The following ERCC1 variants were observed in gnomAD, a reference collection of about 807,000 sequenced individuals.
The protein encoded by ERCC1 is DNA excision repair protein ERCC-1.
A neutral mutation model predicts 37.6 loss-of-function variants in ERCC1; 36 were observed. The ratio of observed to expected loss-of-function variants is 0.96; its 90% confidence interval spans 0.73 to 1.26. The LOEUF is 1.26. ERCC1 is among the 50% of genes most tolerant of loss of function. The pLI is 0.00. For synonymous variants in ERCC1, 156 were observed against 162.1 expected (o/e 0.96, Z 0.28); for missense variants, 349 against 376.5 (o/e 0.93, Z 0.60).
chr19:45,421,111 A>T, intron 3 of ERCC1, 67 bp downstream of exon 3: 2 of 1,332,420 alleles, frequency 1.5e-6, no homozygotes, highest in South Asian at 2.4e-5. Flanking sequence ...CTTGCACTGG[A>T]GTCATCCCTA....
intron 1 of ERCC1, among the ~76,000 whole-genome samples, chr19:45,431,211 T>C (rs145785366): frequency 6.3e-4 from 96 of 152,254 alleles, no homozygotes; most frequent in African/African-American, 2.2e-3. Context: ...GACACACACG[T>C]GAGGACCCAG....
upstream of ERCC1, among the ~76,000 whole-genome samples, chr19:45,428,750 G>A (rs1974763878): frequency 6.6e-6 from 1 of 152,218 alleles, no homozygotes; most frequent in South Asian, 2.1e-4. Context: ...AGCGGGCACC[G>A]CCGGGGGGCG....
intron 1 of ERCC1, among the ~76,000 whole-genome samples, chr19:45,447,697 G>T (rs769974736): frequency 6.6e-6 from 1 of 151,924 alleles, no homozygotes; most frequent in Non-Finnish European, 1.5e-5. Context: ...TCTAACTGCC[G>T]CAGAATGACT....
At chr19:45,438,749 C>CT (rs1975045010) in intron 1 of ERCC1, among the ~76,000 whole-genome samples, 1 of 152,062 alleles carries the variant, frequency 6.6e-6, no homozygotes, top group African/African-American at 2.4e-5. Context: ...TCCAGCAATT[C>CT]TCCTGCCTCA....
Position 45,419,094 on chromosome 19 carries a change from T to C in ERCC1, c.525+4A>G. Reference sequence around the variant, plus strand: ...AGGCTGGCTAGGGAGCAGCCCCTGCTTACCACATCCACCTGGACAAGCAGG... The same window carrying C: ...AGGCTGGCTAGGGAGCAGCCCCTGCCTACCACATCCACCTGGACAAGCAGG... On this transcript the variant is annotated splice_donor_region_variant and intron_variant, in intron 5 of 9. Transcript: ENST00000300853. 3 of 1,564,656 alleles carry C rather than the reference T, an allele frequency of 1.9e-6. No homozygotes were observed. The highest frequency in any genetic ancestry group is 2.6e-6 in the Non-Finnish European group (3 of 1,152,664).
chr19:45,409,752 G>A, intron 9 of ERCC1, 27 bp from the exon 10 acceptor site: 1 of 780,766 alleles, frequency 1.3e-6, no homozygotes, highest in Non-Finnish European at 2.4e-6. Context: ...AAAAAATGAG[G>A]AACCAGTCAT....
rs1973418670 is a variant in ERCC1 at position 45,407,539 on chromosome 19, T to G, written c.*2136A>C. 1.4e-5 allele frequency: 5 copies of G among 349,192 alleles called. No homozygotes were observed. The highest frequency in any genetic ancestry group is 2.1e-5 in the Non-Finnish European group (4 of 194,864). The allele number at this position is 349,192 out of a possible 1,614,324, so 21.6% of individuals were successfully genotyped here. A position where few individuals can be genotyped will look rare whatever the true frequency, so the allele number is the denominator to read the frequency against. On this transcript the variant is annotated 3_prime_UTR_variant, in exon 10 of 10. Transcript: ENST00000300853. ...ATCCACGACCATTAATCCTGCAACC[T>G]AAGCTTGCTCATTTATGTTATATTT...
chr19:45,431,694 A>G (rs1039015569), intron 1 of ERCC1, among the ~76,000 whole-genome samples: 27 of 150,552 alleles, frequency 1.8e-4, no homozygotes, highest in African/African-American at 6.3e-4. Flanking sequence ...AAAAAAAACC[A>G]GCCTGGGCAA....
intron 1 of ERCC1, among the ~76,000 whole-genome samples, chr19:45,436,399 G>A (rs557670943): frequency 2.0e-5 from 3 of 152,298 alleles, no homozygotes; most frequent in Admixed American, 2.0e-4. Flanking sequence ...GGCCGAGGCG[G>A]GCGGATCACG....
At chr19:45,438,208 C>T (rs1268580619) in intron 1 of ERCC1, among the ~76,000 whole-genome samples, 2 of 152,170 alleles carry the variant, frequency 1.3e-5, no homozygotes, top group African/African-American at 4.8e-5. Context: ...CTGTGCCCGG[C>T]CTCTCATCTG....
At chr19:45,448,025 C>G (rs1967001834) in intron 1 of ERCC1, among the ~76,000 whole-genome samples, 1 of 152,174 alleles carries the variant, frequency 6.6e-6, no homozygotes, top group Non-Finnish European at 1.5e-5. Context: ...GTGTATGCCA[C>G]CAAGCCTGGC....
intron 5 of ERCC1, 105 bp from the exon 6 acceptor site, chr19:45,417,002 T>C: frequency 1.2e-6 from 1 of 815,064 alleles, no homozygotes; most frequent in Non-Finnish European, 2.1e-6. Context: ...GAAGCTGAGG[T>C]GGGGGAACTG....
chr19:45,415,699 C>T (rs907704675), intron 6 of ERCC1: 2 of 436,992 alleles, frequency 4.6e-6, no homozygotes, highest in Non-Finnish European at 9.1e-6. Context: ...GCCCATCCCC[C>T]GCCAAATACA....
At chr19:45,434,185 A>G (rs1171352099) in intron 1 of ERCC1, among the ~76,000 whole-genome samples, 1 of 147,386 alleles carries the variant, frequency 6.8e-6, no homozygotes, top group Non-Finnish European at 1.5e-5. Context: ...AAGAGGAAGA[A>G]GAAGAAGAGA....
chr19:45,437,425 C>G (rs1975009580), intron 1 of ERCC1, among the ~76,000 whole-genome samples: 1 of 152,008 alleles, frequency 6.6e-6, no homozygotes, highest in South Asian at 2.1e-4. Flanking sequence ...GCACTGGTCA[C>G]AATAGCCAAG....
chr19:45,433,355 G>A (rs1414453330), intron 1 of ERCC1, among the ~76,000 whole-genome samples: 6 of 151,968 alleles, frequency 3.9e-5, no homozygotes, highest in African/African-American at 9.7e-5. Flanking sequence ...GTGAAACCCC[G>A]TCTCTACTAA....
upstream of ERCC1, among the ~76,000 whole-genome samples, chr19:45,426,828 C>T (rs1376693396): frequency 2.0e-5 from 3 of 151,864 alleles, no homozygotes; most frequent in Admixed American, 2.0e-4. Context: ...GGCAAGGTAG[C>T]TCATGCCTGT....
At chr19:45,445,438 G>A (rs982039847) in intron 1 of ERCC1, among the ~76,000 whole-genome samples, 1 of 152,282 alleles carries the variant, frequency 6.6e-6, no homozygotes, top group Non-Finnish European at 1.5e-5. Flanking sequence ...AATTGGAAGG[G>A]GGATGACCAA....
chr19:45,441,841 C>T (rs988624939), intron 1 of ERCC1, among the ~76,000 whole-genome samples: 2 of 151,346 alleles, frequency 1.3e-5, no homozygotes, highest in African/African-American at 4.9e-5. Context: ...TGCCACCACG[C>T]CCAACTAATT....
Sources: gnomAD v4.1 joint callset for allele counts (sites outside exome capture counted in the v4.1 genomes callset) on GRCh38, gnomAD v4.1.1 for gene constraint, MANE v1.5 for transcripts, NCBI Gene and HGNC (gene_info 2026-07-23, HGNC 2026-07-21) for gene names.